Variants in TMTC2 observed in about 807,000 individuals in gnomAD.
The protein encoded by TMTC2 is protein O-mannosyl-transferase TMTC2.
In TMTC2, 43 loss-of-function variants were observed where a neutral mutation model predicts 82.4. The ratio of observed to expected loss-of-function variants is 0.52; its 90% CI spans 0.41 to 0.67. The LOEUF (loss-of-function observed/expected upper bound fraction) is 0.67, where lower values mean the gene tolerates loss of function less well. Ranked by LOEUF, TMTC2 falls within the 30% of genes least tolerant of loss-of-function variation. TMTC2 has a pLI of 0.00. For synonymous variants in TMTC2, 408 were observed against 381.9 expected (o/e 1.07, Z -0.80); for missense variants, 919 against 1,012.4 (o/e 0.91, Z 1.25).
intron 1 of TMTC2, among the ~76,000 whole-genome samples, chr12:82,819,204 A>T (rs561645945): frequency 2.0e-5 from 3 of 152,178 alleles, no homozygotes; most frequent in Admixed American, 1.3e-4. Context: ...GAAGGCTACT[A>T]TTAGGACACA....
chr12:82,991,159 C>T (rs996953350), intron 8 of TMTC2, among the ~76,000 whole-genome samples: 3 of 152,110 alleles, frequency 2.0e-5, no homozygotes, highest in Admixed American at 6.5e-5. Context: ...CACTACTAAA[C>T]AGTAGAATTG....
intron 9 of TMTC2, among the ~76,000 whole-genome samples, chr12:83,033,814 G>A (rs1386447877): frequency 8.3e-6 from 1 of 119,848 alleles, no homozygotes; most frequent in Non-Finnish European, 1.6e-5. Flanking sequence ...ACATATATGT[G>A]TGTGTGTGTG....
intron 1 of TMTC2, among the ~76,000 whole-genome samples, chr12:82,722,566 C>CAA (rs772607761): frequency 0.016 from 711 of 44,188 alleles, 98 homozygotes; most frequent in African/African-American, 0.051. Context: ...GACTCCATCT[C>CAA]AAAAAAAAAA....
At chr12:83,023,778 G>C (rs1441695350) in intron 8 of TMTC2, among the ~76,000 whole-genome samples, 1 of 152,212 alleles carries the variant, frequency 6.6e-6, no homozygotes, top group Non-Finnish European at 1.5e-5. Flanking sequence ...ACCTCTAGCT[G>C]CCCTTGGTGT....
At chr12:83,011,438 A>G (rs1179494386) in intron 8 of TMTC2, among the ~76,000 whole-genome samples, 1 of 152,236 alleles carries the variant, frequency 6.6e-6, no homozygotes, top group Non-Finnish European at 1.5e-5. Context: ...TGTCTGGTCA[A>G]CATATTGTAA....
At chr12:82,701,941 A>C (rs918653623) in intron 1 of TMTC2, among the ~76,000 whole-genome samples, 8 of 152,134 alleles carry the variant, frequency 5.3e-5, no homozygotes, top group East Asian at 3.9e-4. Context: ...TTAACTCCCC[A>C]AAAAAACCTA....
intron 11 of TMTC2, among the ~76,000 whole-genome samples, chr12:83,096,420 G>A (rs1349990241): frequency 1.3e-5 from 2 of 152,096 alleles, no homozygotes; most frequent in Non-Finnish European, 1.5e-5. Flanking sequence ...CATTGTATTC[G>A]TGTGATTTCA....
chr12:83,027,703 G>GTC (rs1014060288), intron 8 of TMTC2, among the ~76,000 whole-genome samples: 3 of 152,106 alleles, frequency 2.0e-5, no homozygotes, highest in African/African-American at 7.2e-5. Context: ...ATGGCACAGT[G>GTC]TCTCCCCCTA....
intron 1 of TMTC2, among the ~76,000 whole-genome samples, chr12:82,731,859 TA>T (rs1164171370): frequency 1.3e-5 from 2 of 152,206 alleles, no homozygotes; most frequent in African/African-American, 4.8e-5. Context: ...ATCATGGTAA[TA>T]TATGCAAAAA....
chr12:82,755,272 A>G (rs74969291), intron 1 of TMTC2, among the ~76,000 whole-genome samples: 174 of 152,292 alleles, frequency 1.1e-3, no homozygotes, highest in African/African-American at 3.8e-3. Context: ...TGTGGTGTCT[A>G]TCTGTTGCTA....
intron 1 of TMTC2, among the ~76,000 whole-genome samples, chr12:82,841,168 T>C (rs150246939): frequency 6.6e-6 from 1 of 152,356 alleles, no homozygotes; most frequent in East Asian, 1.9e-4. Flanking sequence ...AGTTTTCACA[T>C]AACATTTATC....
intron 1 of TMTC2, among the ~76,000 whole-genome samples, chr12:82,828,392 G>A (rs1306392120): frequency 6.6e-6 from 1 of 151,826 alleles, no homozygotes; most frequent in African/African-American, 2.4e-5. Flanking sequence ...TAGAGATGGG[G>A]TTTCGCCAGG....
chr12:83,007,496 A>C (rs1436795428), intron 8 of TMTC2, among the ~76,000 whole-genome samples: 1 of 152,138 alleles, frequency 6.6e-6, no homozygotes, highest in Admixed American at 6.5e-5. Flanking sequence ...ACTTTATACT[A>C]AGTATACCTT....
At chr12:82,736,773 A>C (rs1875147856) in intron 1 of TMTC2, among the ~76,000 whole-genome samples, 1 of 152,194 alleles carries the variant, frequency 6.6e-6, no homozygotes, top group Admixed American at 6.5e-5. Context: ...TTCAAATAAT[A>C]GTCTTTATCT....
intron 7 of TMTC2, among the ~76,000 whole-genome samples, chr12:82,974,917 G>C (rs767779738): frequency 3.3e-5 from 5 of 152,114 alleles, no homozygotes; most frequent in Admixed American, 1.3e-4. Flanking sequence ...TTTGGAAAGA[G>C]GATCTTCAAG....
intron 2 of TMTC2, among the ~76,000 whole-genome samples, chr12:82,882,780 C>T (rs931866239): frequency 8.6e-5 from 13 of 151,848 alleles, no homozygotes; most frequent in African/African-American, 2.2e-4. Flanking sequence ...GTCTAGGGTG[C>T]GTGCAGTGGC....
chr12:82,962,116 G>A (rs1255365142), intron 4 of TMTC2, among the ~76,000 whole-genome samples: 1 of 151,960 alleles, frequency 6.6e-6, no homozygotes, highest in African/African-American at 2.4e-5. Context: ...TTGTCCTAGT[G>A]TGGTTATTAT....
chr12:82,715,115 C>G (rs1167409548), intron 1 of TMTC2, among the ~76,000 whole-genome samples: 1 of 151,750 alleles, frequency 6.6e-6, no homozygotes, highest in Non-Finnish European at 1.5e-5. Context: ...ACTAAAAATA[C>G]AAAAAATTAA....
At chr12:83,021,849 G>A (rs4144978) in intron 8 of TMTC2, 106,183 of 151,824 alleles carry the variant, frequency 0.7, 37,165 homozygotes, top group East Asian at 0.85. Context: ...CCTCTATTTC[G>A]AATCCTCCAT....
Sources: gnomAD v4.1 joint callset for allele counts (sites outside exome capture counted in the v4.1 genomes callset) on GRCh38, gnomAD v4.1.1 for gene constraint, MANE v1.5 for transcripts, NCBI Gene and HGNC (gene_info 2026-07-23, HGNC 2026-07-21) for gene names.